The following RBFOX3 variants were observed in gnomAD, a reference collection of about 807,000 sequenced individuals.
The protein encoded by RBFOX3 is RNA binding fox-1 homolog 3.
A neutral mutation model predicts 48.7 loss-of-function variants in RBFOX3; 17 were observed. The observed-to-expected ratio is 0.35, with a 90% CI of 0.24 to 0.52. The LOEUF is 0.52. RBFOX3 is among the 20% of genes least tolerant of loss of function. RBFOX3 has a pLI of 0.94. For synonymous variants in RBFOX3, 212 were observed against 209.5 expected (o/e 1.01, Z -0.10); for missense variants, 382 against 497.5 (o/e 0.77, Z 2.21).
At chr17:79,495,764 G>C (rs1311113065) in intron 1 of RBFOX3, among the ~76,000 whole-genome samples, 2 of 151,122 alleles carry the variant, frequency 1.3e-5, no homozygotes, top group Non-Finnish European at 3.0e-5. Context: ...TAGGGCACGG[G>C]GCAGGGGAGG....
chr17:79,620,516 T>C, the RBFOX3 span, among the ~76,000 whole-genome samples: 12,672 of 133,040 alleles, frequency 0.095, 1,615 homozygotes, highest in African/African-American at 0.3. Context: ...TGCGCATACG[T>C]GCACATGCAT....
intron 2 of RBFOX3, among the ~76,000 whole-genome samples, chr17:79,457,472 C>T (rs564755067): frequency 4.6e-5 from 7 of 152,188 alleles, no homozygotes; most frequent in East Asian, 1.9e-4. Context: ...GACACGTGGC[C>T]GCTAACTCCT....
chr17:79,393,156 T>A (rs1023594350), intron 2 of RBFOX3, among the ~76,000 whole-genome samples: 2 of 152,100 alleles, frequency 1.3e-5, no homozygotes, highest in African/African-American at 4.8e-5. Flanking sequence ...CATAGCAGAG[T>A]GCAAAGGCAT....
At chr17:79,581,204 T>C (rs1019597693) in intron 1 of RBFOX3, among the ~76,000 whole-genome samples, 5,412 of 152,140 alleles carry the variant, frequency 0.036, 170 homozygotes, top group East Asian at 0.17. Flanking sequence ...GCCGAGATCG[T>C]GCCACTGCAC....
At chr17:79,155,124 C>T (rs1462011487) in intron 4 of RBFOX3, among the ~76,000 whole-genome samples, 2 of 152,246 alleles carry the variant, frequency 1.3e-5, no homozygotes, top group African/African-American at 2.4e-5. Context: ...CAGCAGCTCC[C>T]GCCTAAGTAC....
chr17:79,420,121 C>T (rs1042798814), intron 2 of RBFOX3, among the ~76,000 whole-genome samples: 10 of 78,956 alleles, frequency 1.3e-4, no homozygotes, highest in African/African-American at 5.6e-4. Context: ...AGCAAGACTC[C>T]GTCTCATACA....
intron 1 of RBFOX3, chr17:79,597,987 G>A (rs1423526825): frequency 6.6e-6 from 1 of 152,304 alleles, no homozygotes; most frequent in African/African-American, 2.4e-5. Flanking sequence ...GCAGGTAGAA[G>A]GATGGAACCC....
At chr17:79,650,971 G>A in the RBFOX3 span, among the ~76,000 whole-genome samples, 1 of 152,124 alleles carries the variant, frequency 6.6e-6, no homozygotes, top group African/African-American at 2.4e-5. Flanking sequence ...CCCTGCACCC[G>A]GGACTCGCCT....
chr17:79,137,855 T>C (rs1376345498), intron 4 of RBFOX3, among the ~76,000 whole-genome samples: 1 of 152,176 alleles, frequency 6.6e-6, no homozygotes, highest in East Asian at 1.9e-4. Flanking sequence ...GCGGGGCCAT[T>C]TCCTCCCGGG....
chr17:79,328,662 A>G (rs1265769166), intron 2 of RBFOX3, among the ~76,000 whole-genome samples: 1 of 152,090 alleles, frequency 6.6e-6, no homozygotes, highest in Non-Finnish European at 1.5e-5. Context: ...CAAGACCCTC[A>G]TGTTCCCAGG....
chr17:79,433,094 C>G (rs2068761398), intron 2 of RBFOX3, among the ~76,000 whole-genome samples: 1 of 152,210 alleles, frequency 6.6e-6, no homozygotes, highest in South Asian at 2.1e-4. Context: ...TGTGTCACCA[C>G]CAACACCAAT....
intron 2 of RBFOX3, among the ~76,000 whole-genome samples, chr17:79,360,981 C>T (rs1012973213): frequency 1.3e-5 from 2 of 151,998 alleles, no homozygotes; most frequent in African/African-American, 2.4e-5. Context: ...AGAAGCCTGT[C>T]CGGGTTATTT....
At chr17:79,112,663 C>T (rs1183443726) in intron 5 of RBFOX3, among the ~76,000 whole-genome samples, 1 of 152,076 alleles carries the variant, frequency 6.6e-6, no homozygotes, top group Non-Finnish European at 1.5e-5. Flanking sequence ...CGTCTAGGGG[C>T]CGGCTCTGCC....
intron 6 of RBFOX3, among the ~76,000 whole-genome samples, chr17:79,104,994 T>C (rs564044759): frequency 6.6e-6 from 1 of 151,822 alleles, no homozygotes; most frequent in African/African-American, 2.4e-5. Context: ...TTGTTGGCCA[T>C]AGTCCCCATG....
At chr17:79,379,344 G>A (rs1448874199) in intron 2 of RBFOX3, among the ~76,000 whole-genome samples, 1 of 152,128 alleles carries the variant, frequency 6.6e-6, no homozygotes, top group Non-Finnish European at 1.5e-5. Flanking sequence ...TCCTACTTCC[G>A]AGAGCTCACA....
In RBFOX3 at chr17:79,419,199, C is replaced by T. The variant is rs141759842; in HGVS notation, c.-175+63255G>A. 2.2e-3 allele frequency among the ~76,000 whole-genome samples: 332 copies of T among 152,304 alleles called. 1 individual carries two copies. Among genetic ancestry groups the T allele is most frequent in the African/African-American group, 7.6e-3 (314 of 41,578 alleles). On this transcript the variant is annotated intron_variant, in intron 2 of 14. Coordinates refer to ENST00000693108, the MANE Select transcript of RBFOX3 (RefSeq NM_001350451.2). ...TGTGTGTATGGATGTTTCAGGCATACGTGGCTGGGAATGGCTCATCTGTCT... is the reference window on the plus strand; with the variant it reads ...TGTGTGTATGGATGTTTCAGGCATATGTGGCTGGGAATGGCTCATCTGTCT...
At position 79,212,496 on chromosome 17, in the gene RBFOX3, GC is replaced by G. The variant is rs1450732860; in HGVS notation, c.-34+23269del. Among the ~76,000 whole-genome samples the G allele has an allele frequency of 3.9e-5, 6 of 152,268 alleles. No individual in the cohort carries two copies. The East Asian group carries it at 1.2e-3, about 29-fold the overall frequency. On this transcript the variant is annotated intron_variant, in intron 4 of 14. Coordinates refer to ENST00000693108, the MANE Select transcript of RBFOX3 (RefSeq NM_001350451.2). The surrounding 1 kb of genome is among the most constrained non-coding windows in gnomAD (Gnocchi z 4.7). ...TTTAGGGGGTCGGGTCTCACCCTGG[GC>G]CCCCCAGTCCGCAACTCCTGACTCC... is the stretch of plus-strand genomic sequence containing the variant.
intron 2 of RBFOX3, among the ~76,000 whole-genome samples, chr17:79,366,192 G>A (rs746348365): frequency 4.6e-5 from 7 of 152,178 alleles, no homozygotes; most frequent in Non-Finnish European, 8.8e-5. Context: ...AGCAACCCAC[G>A]ATCAGCCTGT....
chr17:79,356,386 T>TTTTTTG (rs2085128508), intron 2 of RBFOX3, among the ~76,000 whole-genome samples: 1 of 103,704 alleles, frequency 9.6e-6, no homozygotes, highest in African/African-American at 4.0e-5. Context: ...TTTTTTTTTT[T>TTTTTTG]GAGGAGGAGT....
Sources: allele counts gnomAD v4.1 joint callset (sites outside exome capture counted in the v4.1 genomes callset), GRCh38; gene constraint gnomAD v4.1.1; non-coding constraint Gnocchi (gnomAD v3.1); transcripts MANE v1.5; gene names NCBI Gene and HGNC (gene_info 2026-07-23, HGNC 2026-07-21).